Variants in APOOL observed in about 807,000 individuals in gnomAD.
The protein encoded by APOOL is MICOS complex subunit MIC27.
Under a neutral mutation model 23.1 loss-of-function variants are expected in APOOL, and 12 were observed. The ratio of observed to expected loss-of-function variants is 0.52; its 90% CI spans 0.33 to 0.84. The LOEUF (loss-of-function observed/expected upper bound fraction) is 0.84. Ranked by LOEUF, APOOL falls within the 40% of genes least tolerant of loss-of-function variation. The probability of loss-of-function intolerance (pLI) is 0.02; values close to 1 mark genes in which losing one functional copy is unlikely to be tolerated. For synonymous variants in APOOL, 77 were observed against 69.9 expected, an observed-to-expected ratio of 1.10 and a Z score of -0.51; for missense variants, 212 against 199.6, an observed-to-expected ratio of 1.06 and a Z score of -0.37.
chrX:85,076,969 T>TC (rs1156645772), intron 8 of APOOL, among the ~76,000 whole-genome samples: 9 of 98,110 alleles, frequency 9.2e-5, no homozygotes, highest in African/African-American at 3.5e-4. Flanking sequence ...GACTATGTTT[T>TC]TTTTTAGGTG....
Position 85,068,839 on chromosome X carries a change from C to T in APOOL, c.486+1621C>T, listed in dbSNP as rs928544883. ...ACAACCCAAAATGCATCTATCCATACAAATATCCATGTCCACATTTGGATA... is the reference window on the plus strand; with the variant it reads ...ACAACCCAAAATGCATCTATCCATATAAATATCCATGTCCACATTTGGATA... On this transcript the variant is annotated intron_variant, in intron 6 of 8. Transcript: ENST00000373173. Among the ~76,000 whole-genome samples the T allele has an allele frequency of 3.6e-5, 4 of 111,775 alleles. No individual in the cohort carries two copies. The East Asian group carries it at 1.1e-3, about 31-fold the overall frequency.
At chrX:85,012,022 G>A (rs1236548348) in intron 1 of APOOL, among the ~76,000 whole-genome samples, 1 of 111,719 alleles carries the variant, frequency 9.0e-6, no homozygotes, top group Non-Finnish European at 1.9e-5. Context: ...ATTTCTTTCA[G>A]TAGTGTTTTA....
intron 1 of APOOL, among the ~76,000 whole-genome samples, chrX:85,024,008 C>T (rs189908162): frequency 1.3e-3 from 145 of 111,783 alleles, no homozygotes; most frequent in African/African-American, 4.4e-3. Context: ...TGGACTTACT[C>T]GGTGAAGTCT....
rs1231987519 is a variant in APOOL, at chrX:85,054,353, G to A, written c.250G>A (p.Val84Ile). Reference sequence around the variant, plus strand: ...CTTTTTTTTTGCTTAGGGTGTTTATGTCTTTGTGAAAAATGGGATAATGGA... The same window carrying A: ...CTTTTTTTTTGCTTAGGGTGTTTATATCTTTGTGAAAAATGGGATAATGGA... ...CYIGWCKGVY[V>I]FVKNGIMDTV... Residue 84 changes from valine to isoleucine, a missense_variant, in exon 4 of 9, where the codon GTC (valine) becomes ATC (isoleucine). By Grantham distance (29) the Val-to-Ile change is conservative (BLOSUM62 3). Coordinates refer to ENST00000373173, the MANE Select transcript of APOOL (RefSeq NM_198450.6). The A allele has an allele frequency of 8.4e-7, 1 of 1,187,620 alleles. No homozygotes were observed. Among genetic ancestry groups the A allele is most frequent in the African/African-American group, 1.8e-5 (1 of 56,841 alleles).
In APOOL at chrX:85,003,941, A is replaced by G; in HGVS notation, c.15+14A>G. On this transcript the variant is annotated intron_variant, in intron 1 of 8. Transcript: ENST00000373173. ...GCGGCCATCAGGGTAAGCGAAAACCAACTTGCTTAATTTCTGTGGGTGCCG... is the reference window on the plus strand; with the variant it reads ...GCGGCCATCAGGGTAAGCGAAAACCGACTTGCTTAATTTCTGTGGGTGCCG... The G allele has an allele frequency of 1.7e-6, 2 of 1,211,493 alleles. No individual in the cohort carries two copies. The highest frequency in any genetic ancestry group is 2.2e-6 in the Non-Finnish European group (2 of 895,220).
intron 5 of APOOL, among the ~76,000 whole-genome samples, chrX:85,058,622 C>T (rs780847672): frequency 1.3e-3 from 146 of 111,203 alleles, no homozygotes; most frequent in African/African-American, 4.5e-3. Flanking sequence ...ATGGTATTTC[C>T]GGTTCTAAAT....
chrX:85,016,542 T>C (rs1921478165), intron 1 of APOOL, among the ~76,000 whole-genome samples: 1 of 111,133 alleles, frequency 9.0e-6, no homozygotes, highest in South Asian at 3.9e-4. Flanking sequence ...GGCCTGAACC[T>C]GGAGTGTACT....
At chrX:85,039,971 A>G in intron 1 of APOOL, among the ~76,000 whole-genome samples, 1 of 111,613 alleles carries the variant, frequency 9.0e-6, no homozygotes, top group Non-Finnish European at 1.9e-5. Context: ...TGCAGATTTG[A>G]TTGTGTGGTT....
At chrX:85,077,847 T>C (rs1022449268) in intron 8 of APOOL, among the ~76,000 whole-genome samples, 22 of 112,146 alleles carry the variant, frequency 2.0e-4, no homozygotes, top group African/African-American at 7.1e-4. Context: ...TTTGCAGTGA[T>C]GATGAGCATT....
intron 1 of APOOL, among the ~76,000 whole-genome samples, chrX:85,017,947 T>C (rs1034594635): frequency 2.7e-5 from 3 of 112,083 alleles, no homozygotes; most frequent in African/African-American, 9.8e-5. Flanking sequence ...TTTCCTGGTA[T>C]GTTCCTGCAG....
chrX:85,028,670 A>G (rs1466856284), intron 1 of APOOL, among the ~76,000 whole-genome samples: 4 of 107,919 alleles, frequency 3.7e-5, no homozygotes, highest in Non-Finnish European at 7.7e-5. Flanking sequence ...CCATTCCCAC[A>G]TCTCCCCTTA....
chrX:85,081,243 T>C (rs1021712147), intron 8 of APOOL, among the ~76,000 whole-genome samples: 1 of 111,876 alleles, frequency 8.9e-6, no homozygotes, highest in East Asian at 2.8e-4. Flanking sequence ...TTCCTTTCCA[T>C]GTTTAGTGCT....
intron 8 of APOOL, among the ~76,000 whole-genome samples, chrX:85,083,051 GC>G (rs1924168021): frequency 9.0e-6 from 1 of 111,056 alleles, no homozygotes; most frequent in Non-Finnish European, 1.9e-5. Context: ...TTAGAACGCA[GC>G]CCAGACCCAG....
chrX:85,067,339 T>C, intron 6 of APOOL, 121 bp downstream of exon 6: 1 of 452,650 alleles, frequency 2.2e-6, no homozygotes, highest in Non-Finnish European at 3.7e-6. Context: ...TGGTATCAAC[T>C]CTTATGTTGG....
chrX:85,047,843 T>A (rs1457055383), intron 2 of APOOL, among the ~76,000 whole-genome samples: 1 of 111,630 alleles, frequency 9.0e-6, no homozygotes, highest in African/African-American at 3.2e-5. Context: ...CAGGCCTGAA[T>A]TTGAATCCTG....
In APOOL at chrX:85,049,166, A is replaced by G. The variant is rs181839831; in HGVS notation, c.121-2223A>G. Among the ~76,000 whole-genome samples the G allele has an allele frequency of 9.8e-5, 11 of 111,910 alleles. No individual in the cohort carries two copies. In the East Asian group the frequency reaches 3.1e-3, roughly 32 times the overall value. Reference sequence around the variant, plus strand: ...TTTATAGCTTACTCAATGTAATCATAATTTCTAAATGAGAACATACAAGTT... The same window carrying G: ...TTTATAGCTTACTCAATGTAATCATGATTTCTAAATGAGAACATACAAGTT... On this transcript the variant is annotated intron_variant, in intron 2 of 8. Coordinates refer to ENST00000373173, the MANE Select transcript of APOOL (RefSeq NM_198450.6).
intron 5 of APOOL, among the ~76,000 whole-genome samples, chrX:85,063,046 T>C (rs1198577929): frequency 9.0e-6 from 1 of 111,578 alleles, no homozygotes; most frequent in African/African-American, 3.3e-5. Context: ...CCTCGAGCAA[T>C]GGTTTGTAGT....
chrX:85,016,840 A>G (rs1921491261), intron 1 of APOOL, among the ~76,000 whole-genome samples: 1 of 112,456 alleles, frequency 8.9e-6, no homozygotes, highest in Non-Finnish European at 1.9e-5. Context: ...AGATTCTTTT[A>G]TCCCATGGGG....
chrX:85,037,167 T>A (rs913478169), intron 1 of APOOL, among the ~76,000 whole-genome samples: 1 of 111,724 alleles, frequency 9.0e-6, no homozygotes, highest in Non-Finnish European at 1.9e-5. Flanking sequence ...GATGCTGCTA[T>A]AAACGTGTGT....
Sources: allele counts gnomAD v4.1 joint callset (sites outside exome capture counted in the v4.1 genomes callset), GRCh38; gene constraint gnomAD v4.1.1; transcripts MANE v1.5; gene names NCBI Gene and HGNC (gene_info 2026-07-23, HGNC 2026-07-21).